The following CAPN6 variants were observed in gnomAD, a reference collection of about 807,000 sequenced individuals.
CAPN6 encodes calpain-6.
Under a neutral mutation model 46.0 loss-of-function variants are expected in CAPN6, and 16 were observed. The ratio of observed to expected loss-of-function variants is 0.35; its 90% CI spans 0.24 to 0.53. The LOEUF is 0.53. Among genes scored for constraint, CAPN6 ranks in the 20% least tolerant of loss-of-function variants. CAPN6 has a pLI of 0.94. For synonymous variants in CAPN6, 206 were observed against 172.8 expected (o/e 1.19, Z -1.51); for missense variants, 461 against 498.0 (o/e 0.93, Z 0.71).
At chrX:111,249,349 GTATTAT>G (rs975444458) in intron 8 of CAPN6, among the ~76,000 whole-genome samples, 3 of 110,680 alleles carry the variant, frequency 2.7e-5, no homozygotes, top group Non-Finnish European at 5.7e-5. Flanking sequence ...GTAAATTATT[GTATTAT>G]TATTATTATT....
intron 7 of CAPN6, 52 bp downstream of exon 7, chrX:111,251,157 T>G: frequency 8.3e-7 from 1 of 1,199,897 alleles, no homozygotes; most frequent in Non-Finnish European, 1.1e-6. Flanking sequence ...TACTTAACAC[T>G]GTAGTTCCAT....
intron 11 of CAPN6, 90 bp from the exon 12 acceptor site, chrX:111,247,594 A>T: frequency 1.0e-6 from 1 of 953,168 alleles, no homozygotes; most frequent in Admixed American, 2.8e-5. Flanking sequence ...CAATTCTGGG[A>T]CTTTCAGCAT....
chrX:111,262,778 G>C (rs1217819046), intron 2 of CAPN6, among the ~76,000 whole-genome samples: 3 of 111,900 alleles, frequency 2.7e-5, no homozygotes, highest in African/African-American at 9.7e-5. Context: ...TAGTGAAAGG[G>C]TTCTGAAACT....
At chrX:111,251,390 C>A in intron 6 of CAPN6, 104 bp from the exon 7 acceptor site, 1 of 957,745 alleles carries the variant, frequency 1.0e-6, no homozygotes, top group Non-Finnish European at 1.5e-6. Flanking sequence ...GAGGATCAGT[C>A]CTGCTTTATT....
intron 2 of CAPN6, among the ~76,000 whole-genome samples, chrX:111,259,622 A>G (rs1158189256): frequency 1.8e-5 from 2 of 112,048 alleles, no homozygotes; most frequent in African/African-American, 6.5e-5. Context: ...CCCCAGGGGA[A>G]TGTATTCTAG....
At chrX:111,264,886 G>T (rs1471782346) in intron 1 of CAPN6, among the ~76,000 whole-genome samples, 2 of 111,238 alleles carry the variant, frequency 1.8e-5, no homozygotes, top group Non-Finnish European at 3.8e-5. Context: ...GTGATAATAG[G>T]GTTTTCAGTG....
At chrX:111,254,856 C>T (rs2094982550) in intron 2 of CAPN6, among the ~76,000 whole-genome samples, 1 of 112,161 alleles carries the variant, frequency 8.9e-6, no homozygotes, top group African/African-American at 3.2e-5. Flanking sequence ...TGAAGGTTAA[C>T]ATTAATTCAT....
At position 111,251,640 on chromosome X, in the gene CAPN6, G is replaced by A. The variant is rs766889895; in HGVS notation, c.802C>T (p.Leu268Phe). 2.5e-6 allele frequency: 3 copies of A among 1,207,472 alleles called. No individual in the cohort carries two copies. The highest frequency in any genetic ancestry group is 4.4e-5 in the Admixed American group (2 of 45,740). Residue 268 changes from leucine to phenylalanine, a missense_variant, in exon 6 of 13, where the codon CTT (leucine) becomes TTT (phenylalanine). Physicochemically the swap from Leu to Phe is conservative, Grantham distance 22. Coordinates refer to ENST00000324068, the MANE Select transcript of CAPN6 (RefSeq NM_014289.4). ...DIRKIRLGER[L>F]VEVFSAEKVY... is the part of the protein sequence containing the mutation. ...TTCTCAGCACTGAAGACTTCCACAA[G>A]TCTCTCTCCAAGACGAATTTTGCGA... is the stretch of plus-strand genomic sequence containing the variant.
At position 111,247,508 on chromosome X, in the gene CAPN6, G is replaced by C; in HGVS notation, c.1607-4C>G. 8.4e-7 allele frequency: 1 copy of C among 1,196,520 alleles called. No homozygotes were observed. On this transcript the variant is annotated splice_region_variant and splice_polypyrimidine_tract_variant and intron_variant, in intron 11 of 12. Transcript: ENST00000324068. The stretch of plus-strand genomic sequence containing the variant: ...ATGACCAAATATGGGTTTACAGCTG[G>C]AACAAAGTGACATATGTTTTTAACA...
Position 111,251,613 on chromosome X carries a change from C to A in CAPN6, c.829G>T (p.Val277Leu). The change falls in exon 6 of 13, where the codon GTG (valine) becomes TTG (leucine). Residue 277 changes from valine to leucine, a missense_variant. Transcript: ENST00000324068. ...GGGTTTCTCAGGCGAACCATATACA[C>A]CTTCTCAGCACTGAAGACTTCCACA... ...RLVEVFSAEKVYMVRLRNPLG... is the reference protein window; with the variant it reads ...RLVEVFSAEKLYMVRLRNPLG... 1.7e-6 allele frequency: 2 copies of A among 1,210,008 alleles called. No homozygotes were observed. Among genetic ancestry groups the A allele is most frequent in the South Asian group, 1.8e-5 (1 of 56,926 alleles).
intron 1 of CAPN6, among the ~76,000 whole-genome samples, chrX:111,267,046 C>T (rs998261494): frequency 3.6e-5 from 4 of 111,863 alleles, no homozygotes; most frequent in East Asian, 2.8e-4. Context: ...TCTGTTGGAA[C>T]GGATGAGTGC....
intron 2 of CAPN6, 129 bp downstream of exon 2, chrX:111,263,643 A>C (rs1322827159): frequency 2.2e-6 from 1 of 454,807 alleles, no homozygotes; most frequent in Non-Finnish European, 3.5e-6. Context: ...CTGAAAAAAA[A>C]AGAAAGGAAG....
At chrX:111,260,636 C>T (rs1292535832) in intron 2 of CAPN6, among the ~76,000 whole-genome samples, 1 of 111,732 alleles carries the variant, frequency 8.9e-6, no homozygotes, top group African/African-American at 3.3e-5. Flanking sequence ...GGCCAGAGAA[C>T]TTTGACGTGG....
intron 2 of CAPN6, among the ~76,000 whole-genome samples, chrX:111,258,879 T>C (rs12116283): frequency 0.15 from 16,336 of 112,019 alleles, 2,302 homozygotes; most frequent in African/African-American, 0.44. Context: ...ATGGAATAAA[T>C]TGATACATGC....
intron 2 of CAPN6, among the ~76,000 whole-genome samples, chrX:111,256,551 G>T (rs2094983924): frequency 1.8e-5 from 2 of 112,006 alleles, no homozygotes; most frequent in Admixed American, 1.9e-4. Flanking sequence ...GTTATTAGTG[G>T]TTGGAGATAC....
In CAPN6 at chrX:111,256,216, T is replaced by C. The variant is rs2094983621; in HGVS notation, c.166-1813A>G. ...AAGTTCAAGACCAGCCTGGTCAACA[T>C]GGTGAAACCCCATCTCTTCTAAATA... On this transcript the variant is annotated intron_variant, in intron 2 of 12. Transcript: ENST00000324068. Among the ~76,000 whole-genome samples, 3 of 110,939 alleles carry C rather than the reference T, an allele frequency of 2.7e-5. No individual in the cohort carries two copies. The South Asian group carries it at 1.2e-3, about 43-fold the overall frequency.
intron 2 of CAPN6, among the ~76,000 whole-genome samples, 184 bp downstream of exon 2, chrX:111,263,585 ACAC>A (rs1238337569): frequency 9.0e-6 from 1 of 111,582 alleles, no homozygotes; most frequent in East Asian, 2.8e-4. Flanking sequence ...ATCACATTGA[ACAC>A]CATAACATAC....
At chrX:111,264,363 G>A (rs17885387) in intron 1 of CAPN6, among the ~76,000 whole-genome samples, 9,158 of 112,096 alleles carry the variant, frequency 0.082, 856 homozygotes, top group African/African-American at 0.27. Context: ...TCACTTTACT[G>A]TAGTCAGAAT....
chrX:111,251,554 A>G lies in CAPN6; in HGVS notation c.888T>C (p.Ser296=). The G allele has an allele frequency of 8.3e-7, 1 of 1,201,382 alleles. No individual in the cohort carries two copies. Among genetic ancestry groups the G allele is most frequent in the South Asian group, 1.8e-5 (1 of 56,393 alleles). The change falls in exon 6 of 13, where the codon AGT becomes AGC. Residue 296 remains serine (S), a synonymous_variant. Transcript: ENST00000324068. ...LGRQEWSGPW[S]EISEEWQQLT... ...GAAAGTGGAATGCAACTCACATTTC[A>G]CTCCAGGGGCCACTCCATTCCTGTC...
Sources: allele counts gnomAD v4.1 joint callset (sites outside exome capture counted in the v4.1 genomes callset), GRCh38; gene constraint gnomAD v4.1.1; transcripts MANE v1.5; gene names NCBI Gene and HGNC (gene_info 2026-07-23, HGNC 2026-07-21).